The following ATP2C1 variants were observed in gnomAD, a reference collection of about 807,000 sequenced individuals.
The protein encoded by ATP2C1 is ATPase secretory pathway Ca2+ transporting 1, also known as calcium-transporting ATPase type 2C member 1.
A neutral mutation model predicts 120.5 loss-of-function variants in ATP2C1; 31 were observed. The ratio of observed to expected loss-of-function variants is 0.26; its 90% CI spans 0.19 to 0.35. The LOEUF (loss-of-function observed/expected upper bound fraction) is 0.35, where lower values mean the gene tolerates loss of function less well. ATP2C1 is among the 10% of genes least tolerant of loss of function. ATP2C1 has a pLI of 1.00. For synonymous variants in ATP2C1, 351 were observed against 358.7 expected, an observed-to-expected ratio of 0.98 and a Z score of 0.24; for missense variants, 731 against 1,107.5, an observed-to-expected ratio of 0.66 and a Z score of 4.83.
At position 130,867,770 on chromosome 3, in the gene ATP2C1, G is replaced by A. The variant is rs2068238409; in HGVS notation, c.108+16842G>A. ...CCACCCATCGTCTGGGATATGAGGA[G>A]CCCCCTCTGCCTGGCTGCCCAGTCT... On this transcript the variant is annotated intron_variant, in intron 1 of 26. Coordinates refer to the ATP2C1 transcript ENST00000504381. Among the ~76,000 whole-genome samples the A allele has an allele frequency of 5.7e-5, 3 of 52,650 alleles. 1 individual carries two copies. The highest frequency in any genetic ancestry group is 8.8e-4 in the East Asian group (2 of 2,268). The allele number at this position is 52,650 out of a possible 152,430, so 34.5% of individuals were successfully genotyped here. A position where few individuals can be genotyped will look rare whatever the true frequency, so the allele number is the denominator to read the frequency against.
At chr3:130,994,184 G>A (rs1169689503) in intron 22 of ATP2C1, 86 bp downstream of exon 22, 2 of 1,505,294 alleles carry the variant, frequency 1.3e-6, no homozygotes, top group African/African-American at 2.8e-5. Context: ...AACTGGAAAA[G>A]AATTAGTATT....
At chr3:130,926,302 C>T (rs1044990917) in intron 2 of ATP2C1, among the ~76,000 whole-genome samples, 16 of 152,066 alleles carry the variant, frequency 1.1e-4, no homozygotes, top group African/African-American at 3.4e-4. Context: ...GATATAGTTT[C>T]GAATAATGTG....
intron 1 of ATP2C1, among the ~76,000 whole-genome samples, chr3:130,875,175 T>C (rs2068561159): frequency 6.6e-6 from 1 of 152,196 alleles, no homozygotes; most frequent in African/African-American, 2.4e-5. Context: ...ATGCAGTAAA[T>C]TGTTGTTAAC....
intron 1 of ATP2C1, among the ~76,000 whole-genome samples, chr3:130,887,778 G>A (rs1236229533): frequency 6.6e-6 from 1 of 152,200 alleles, no homozygotes; most frequent in African/African-American, 2.4e-5. Context: ...CAAGAGGTTA[G>A]GCCTGGGATT....
At chr3:130,998,440 A>G (rs368704690) in intron 26 of ATP2C1, 51 bp downstream of exon 26, 2 of 1,350,574 alleles carry the variant, frequency 1.5e-6, no homozygotes, top group East Asian at 4.6e-5. Flanking sequence ...ACTTGAGTAG[A>G]GTGCTTTCTA....
downstream of ATP2C1, among the ~76,000 whole-genome samples, chr3:131,004,573 C>A (rs1437096983): frequency 6.6e-6 from 1 of 152,126 alleles, no homozygotes; most frequent in Non-Finnish European, 1.5e-5. Flanking sequence ...GTTCTGGAGA[C>A]CAATGTGAAA....
At chr3:130,941,284 G>A (rs962020154) in intron 7 of ATP2C1, among the ~76,000 whole-genome samples, 32 of 150,348 alleles carry the variant, frequency 2.1e-4, no homozygotes, top group South Asian at 6.2e-4. Flanking sequence ...GTGCGCGCAC[G>A]CGCGCATGCA....
intron 2 of ATP2C1, among the ~76,000 whole-genome samples, chr3:130,913,818 G>T (rs922868383): frequency 6.6e-6 from 1 of 152,160 alleles, no homozygotes; most frequent in Admixed American, 6.5e-5. Flanking sequence ...AGTTAAGAAG[G>T]AGGACTTTTA....
At chr3:130,929,070 T>C (rs1576757012) in intron 2 of ATP2C1, among the ~76,000 whole-genome samples, 1 of 152,170 alleles carries the variant, frequency 6.6e-6, no homozygotes, top group Non-Finnish European at 1.5e-5. Context: ...AGTTTTTACA[T>C]TTCTTAATTA....
chr3:130,872,524 C>G (rs532417288), intron 1 of ATP2C1, among the ~76,000 whole-genome samples: 33 of 151,610 alleles, frequency 2.2e-4, no homozygotes, highest in African/African-American at 6.0e-4. Context: ...TTTACCAGTA[C>G]TATGCCTATC....
intron 1 of ATP2C1, among the ~76,000 whole-genome samples, chr3:130,874,035 A>C (rs761445356): frequency 6.6e-6 from 1 of 151,716 alleles, no homozygotes; most frequent in Non-Finnish European, 1.5e-5. Context: ...GCTTGAACCC[A>C]GGAGGCAGAG....
intron 21 of ATP2C1, 46 bp from the exon 22 acceptor site, chr3:130,993,886 T>G (rs767313406): frequency 9.9e-6 from 16 of 1,608,184 alleles, no homozygotes; most frequent in Non-Finnish European, 1.4e-5. Context: ...GAAGCAACAT[T>G]TTTATCAAAA....
Position 131,008,423 on chromosome 3 carries a change from CAAAAAAA to C in ATP2C1, c.2630-7718_2630-7712del, listed in dbSNP as rs747486056. On this transcript the variant is annotated intron_variant, in intron 26 of 26. Coordinates refer to the ATP2C1 transcript ENST00000328560. ...CCTGGGCAACAGAACAAGACTGTCT[CAAAAAAA>C]AAAAAAAAAAGGAAAGAAAAGAAAA... is the stretch of plus-strand genomic sequence containing the variant. Among the ~76,000 whole-genome samples the C allele has an allele frequency of 1.7e-4, 15 of 86,984 alleles. 1 individual carries two copies. In the Admixed American group the frequency reaches 1.9e-3, roughly 11 times the overall value. 57.1% of individuals were successfully genotyped at this position (86,984 alleles called of 152,430 possible).
At chr3:130,977,326 C>T (rs1480329632) in intron 18 of ATP2C1, among the ~76,000 whole-genome samples, 2 of 152,018 alleles carry the variant, frequency 1.3e-5, no homozygotes, top group South Asian at 2.1e-4. Context: ...TTAAAAAGAC[C>T]GTTGGTGAAC....
intron 2 of ATP2C1, among the ~76,000 whole-genome samples, chr3:130,904,919 C>G (rs1479843677): frequency 6.6e-6 from 1 of 151,994 alleles, no homozygotes; most frequent in Non-Finnish European, 1.5e-5. Context: ...GGTTAAAATC[C>G]AGTAATTGTT....
chr3:130,996,233 T>G, intron 23 of ATP2C1, 122 bp downstream of exon 23: 1 of 794,386 alleles, frequency 1.3e-6, no homozygotes, highest in South Asian at 1.5e-5. Flanking sequence ...CATATGTCAG[T>G]TTTCCAAAAA....
intron 2 of ATP2C1, among the ~76,000 whole-genome samples, chr3:130,922,625 T>C (rs2059021220): frequency 6.6e-6 from 1 of 152,220 alleles, no homozygotes; most frequent in African/African-American, 2.4e-5. Context: ...CTGCTTTTGC[T>C]CTGTCTCAGA....
chr3:130,993,056 T>C (rs2062428252), intron 21 of ATP2C1, 55 bp downstream of exon 21: 1 of 1,475,402 alleles, frequency 6.8e-7, no homozygotes, highest in East Asian at 2.3e-5. Flanking sequence ...GCTGCTACTT[T>C]ACTTTTGTTA....
chr3:130,988,172 T>C (rs2062115294), intron 20 of ATP2C1, among the ~76,000 whole-genome samples: 1 of 152,266 alleles, frequency 6.6e-6, no homozygotes, highest in African/African-American at 2.4e-5. Context: ...TTCTTTAATC[T>C]GTCCTAGAAG....
Sources: allele counts gnomAD v4.1 joint callset (sites outside exome capture counted in the v4.1 genomes callset), GRCh38; gene constraint gnomAD v4.1.1; transcripts MANE v1.5; gene names NCBI Gene and HGNC (gene_info 2026-07-23, HGNC 2026-07-21).